The following PCDH11X variants were observed in gnomAD, a reference collection of about 807,000 sequenced individuals.
The protein encoded by PCDH11X is protocadherin-11 X-linked.
Under a neutral mutation model 53.3 loss-of-function variants are expected in PCDH11X, and 18 were observed. That is an observed-to-expected ratio of 0.34 (90% CI 0.23 to 0.50). The LOEUF (loss-of-function observed/expected upper bound fraction) is 0.50. Among genes scored for constraint, PCDH11X ranks in the 20% least tolerant of loss-of-function variants. The probability of loss-of-function intolerance (pLI) is 0.98; values close to 1 mark genes in which losing one functional copy is unlikely to be tolerated. For synonymous variants in PCDH11X, 279 were observed against 393.3 expected (o/e 0.71, Z 3.44); for missense variants, 570 against 1,032.4 (o/e 0.55, Z 6.14).
At chrX:91,917,111 T>C (rs781759849) in intron 6 of PCDH11X, among the ~76,000 whole-genome samples, 1 of 111,077 alleles carries the variant, frequency 9.0e-6, no homozygotes, top group Admixed American at 9.6e-5. Flanking sequence ...AAATCCAGCA[T>C]CCGCTTATGA....
intron 6 of PCDH11X, among the ~76,000 whole-genome samples, chrX:92,147,810 C>CTTTCTTTCTTTCTTTT (rs1556065506): frequency 2.8e-5 from 2 of 70,198 alleles, no homozygotes; most frequent in African/African-American, 1.1e-4. Context: ...TTTCTTCCTT[C>CTTTCTTTCTTTCTTTT]CTTTCTTTCT....
intron 6 of PCDH11X, among the ~76,000 whole-genome samples, chrX:91,993,541 TA>T (rs916516071): frequency 1.8e-5 from 2 of 111,820 alleles, no homozygotes; most frequent in Admixed American, 9.5e-5. Context: ...TACATATTTT[TA>T]AAAATATTAA....
intron 7 of PCDH11X, among the ~76,000 whole-genome samples, chrX:92,210,325 G>A (rs2066561131): frequency 1.1e-5 from 1 of 89,154 alleles, no homozygotes; most frequent in Non-Finnish European, 2.1e-5. Flanking sequence ...TGCAAGCTCC[G>A]CTTCCCAGGT....
At chrX:92,141,039 G>A (rs1265451297) in intron 6 of PCDH11X, among the ~76,000 whole-genome samples, 1 of 111,295 alleles carries the variant, frequency 9.0e-6, no homozygotes, top group Non-Finnish European at 1.9e-5. Flanking sequence ...TTCTCCAGTT[G>A]TATCTGTATA....
intron 1 of PCDH11X, among the ~76,000 whole-genome samples, chrX:91,799,438 A>G (rs1222428504): frequency 9.0e-6 from 1 of 111,549 alleles, no homozygotes; most frequent in Non-Finnish European, 1.9e-5. Flanking sequence ...TTTTTTTGGT[A>G]TAATGTGATA....
intron 9 of PCDH11X, among the ~76,000 whole-genome samples, 200 bp downstream of exon 9, chrX:92,388,133 G>A (rs1015932693): frequency 1.8e-5 from 2 of 110,952 alleles, no homozygotes; most frequent in Non-Finnish European, 3.8e-5. Context: ...TCATAACTAC[G>A]CTGAATGAAA....
intron 10 of PCDH11X, among the ~76,000 whole-genome samples, chrX:92,606,952 A>G (rs906059475): frequency 1.9e-4 from 21 of 110,609 alleles, no homozygotes; most frequent in African/African-American, 6.9e-4. Context: ...AGGGATATGC[A>G]AATCTAAATC....
chrX:92,114,787 C>T (rs752861301), intron 6 of PCDH11X, among the ~76,000 whole-genome samples: 1 of 110,961 alleles, frequency 9.0e-6, no homozygotes, highest in Admixed American at 9.7e-5. Flanking sequence ...CTACCCTGCA[C>T]CCCTACTGGA....
intron 9 of PCDH11X, chrX:92,460,593 C>A: frequency 1.3e-6 from 1 of 798,558 alleles, no homozygotes; most frequent in South Asian, 2.1e-5. Flanking sequence ...GACCTGGACT[C>A]CATGAGAAAT....
At chrX:92,324,145 C>T (rs1193684580) in intron 8 of PCDH11X, among the ~76,000 whole-genome samples, 1 of 105,325 alleles carries the variant, frequency 9.5e-6, no homozygotes, top group Non-Finnish European at 1.9e-5. Flanking sequence ...CAAAAATCCT[C>T]TCATATCCTT....
chrX:92,089,613 C>T (rs2064015162), intron 6 of PCDH11X, among the ~76,000 whole-genome samples: 1 of 107,845 alleles, frequency 9.3e-6, no homozygotes, highest in Non-Finnish European at 1.9e-5. Context: ...ACCTCCTCCT[C>T]CCGGGTTCAA....
intron 5 of PCDH11X, among the ~76,000 whole-genome samples, chrX:91,861,297 T>A: frequency 8.9e-6 from 1 of 112,043 alleles, no homozygotes; most frequent in Non-Finnish European, 1.9e-5. Flanking sequence ...GATGGTTGTT[T>A]GTGTTTCTGT....
intron 6 of PCDH11X, among the ~76,000 whole-genome samples, chrX:92,017,233 A>G (rs1266358759): frequency 9.0e-6 from 1 of 111,286 alleles, no homozygotes; most frequent in African/African-American, 3.3e-5. Context: ...TGTTTGTAAC[A>G]CAAAATATAA....
chrX:91,961,280 T>C (rs1403938929), intron 6 of PCDH11X, among the ~76,000 whole-genome samples: 1 of 89,357 alleles, frequency 1.1e-5, no homozygotes, highest in Non-Finnish European at 2.2e-5. Context: ...TGACAAGCTT[T>C]ACCAAATTAG....
intron 10 of PCDH11X, among the ~76,000 whole-genome samples, chrX:92,558,517 G>A (rs2075082745): frequency 9.0e-6 from 1 of 111,090 alleles, no homozygotes; most frequent in Admixed American, 9.6e-5. Context: ...AGTTCTATAT[G>A]GAAACAAGAA....
At chrX:92,109,634 G>T (rs1431652983) in intron 6 of PCDH11X, among the ~76,000 whole-genome samples, 1 of 111,602 alleles carries the variant, frequency 9.0e-6, no homozygotes, top group Non-Finnish European at 1.9e-5. Flanking sequence ...AATTTGGTGA[G>T]GTTCAGACTC....
chrX:92,153,941 AAGAT>A (rs781461997), intron 6 of PCDH11X, among the ~76,000 whole-genome samples: 1 of 111,487 alleles, frequency 9.0e-6, no homozygotes, highest in Non-Finnish European at 1.9e-5. Context: ...CAACAACAAA[AAGAT>A]AGTTATTACT....
intron 10 of PCDH11X, among the ~76,000 whole-genome samples, chrX:92,527,093 G>C (rs1476731517): frequency 9.0e-6 from 1 of 111,547 alleles, no homozygotes; most frequent in African/African-American, 3.3e-5. Context: ...AACGTAGAAA[G>C]TTGAAGGATG....
intron 6 of PCDH11X, among the ~76,000 whole-genome samples, chrX:92,071,429 T>C (rs746203927): frequency 2.7e-5 from 3 of 111,988 alleles, no homozygotes; most frequent in Non-Finnish European, 5.6e-5. Context: ...TGAAACATCA[T>C]ATATCTCTCT....
Sources: gnomAD v4.1 joint callset for allele counts (sites outside exome capture counted in the v4.1 genomes callset) on GRCh38, gnomAD v4.1.1 for gene constraint, MANE v1.5 for transcripts, NCBI Gene and HGNC (gene_info 2026-07-23, HGNC 2026-07-21) for gene names.